GALNTL6: variants seen among roughly 807,000 people sequenced by gnomAD.
GALNTL6 encodes the protein polypeptide N-acetylgalactosaminyltransferase-like 6.
A neutral mutation model predicts 73.7 loss-of-function variants in GALNTL6; 46 were observed. The ratio of observed to expected loss-of-function variants is 0.62; its 90% CI spans 0.49 to 0.80. The LOEUF (loss-of-function observed/expected upper bound fraction) is 0.80. Among genes scored for constraint, GALNTL6 ranks in the 30% least tolerant of loss-of-function variants. The probability of loss-of-function intolerance (pLI) is 0.00; values close to 1 mark genes in which losing one functional copy is unlikely to be tolerated. For synonymous variants in GALNTL6, 259 were observed against 263.7 expected, an observed-to-expected ratio of 0.98 and a Z score of 0.17; for missense variants, 604 against 755.0, an observed-to-expected ratio of 0.80 and a Z score of 2.34.
intron 2 of GALNTL6, among the ~76,000 whole-genome samples, chr4:171,883,369 A>G (rs1254135949): frequency 1.3e-5 from 2 of 152,128 alleles, no homozygotes; most frequent in African/African-American, 4.8e-5. Context: ...AAGTAAAAAT[A>G]AAAGTAAAAT....
intron 2 of GALNTL6, among the ~76,000 whole-genome samples, chr4:172,123,393 C>A (rs1733203326): frequency 6.8e-6 from 1 of 147,750 alleles, no homozygotes; most frequent in African/African-American, 2.6e-5. Context: ...CAAAAACAGA[C>A]TTTACCAAAT....
chr4:172,779,998 C>G (rs1760978110), intron 5 of GALNTL6, among the ~76,000 whole-genome samples: 1 of 152,122 alleles, frequency 6.6e-6, no homozygotes, highest in African/African-American at 2.4e-5. Flanking sequence ...CATTACTTCA[C>G]TACATAATGA....
chr4:172,995,881 C>T lies in GALNTL6; in HGVS notation c.1372-13297C>T, dbSNP rs1243898020. ...GAGTTTTCAAAAACCCTTGGTCAGC[C>T]AAGCTGGCTTTTGGTTATTTCCTCA... On this transcript the variant is annotated intron_variant, in intron 10 of 12. Coordinates refer to ENST00000506823, the MANE Select transcript of GALNTL6 (RefSeq NM_001034845.3). Among the ~76,000 whole-genome samples the T allele has an allele frequency of 5.3e-5, 8 of 152,298 alleles. No individual in the cohort carries two copies. The East Asian group carries it at 1.5e-3, about 29-fold the overall frequency.
chr4:172,768,937 A>AAG (rs1308966084), intron 5 of GALNTL6, among the ~76,000 whole-genome samples: 1 of 152,030 alleles, frequency 6.6e-6, no homozygotes, highest in East Asian at 1.9e-4. Context: ...GAGTTCAGAC[A>AAG]AGAGAGAGAT....
chr4:171,826,086 C>T (rs1232032443), intron 2 of GALNTL6, among the ~76,000 whole-genome samples: 2 of 152,166 alleles, frequency 1.3e-5, no homozygotes, highest in African/African-American at 2.4e-5. Context: ...ACATAAACTA[C>T]CTGAAAAGAA....
chr4:172,418,392 G>T (rs895777104), intron 5 of GALNTL6, among the ~76,000 whole-genome samples: 1 of 152,100 alleles, frequency 6.6e-6, no homozygotes, highest in Non-Finnish European at 1.5e-5. Flanking sequence ...ACCCAGCAGG[G>T]CCTTAAATGT....
At chr4:172,498,009 T>TTTTG (rs1424895953) in intron 5 of GALNTL6, among the ~76,000 whole-genome samples, 1 of 148,558 alleles carries the variant, frequency 6.7e-6, no homozygotes. Flanking sequence ...TTTGTTTTTT[T>TTTTG]GAGATGGAGT....
At chr4:172,106,551 T>C (rs893411939) in intron 2 of GALNTL6, among the ~76,000 whole-genome samples, 7 of 152,158 alleles carry the variant, frequency 4.6e-5, no homozygotes, top group Non-Finnish European at 7.4e-5. Context: ...AAAGGAAATA[T>C]AGAACCCTCT....
intron 2 of GALNTL6, among the ~76,000 whole-genome samples, chr4:171,988,177 C>T (rs1014958357): frequency 6.6e-6 from 1 of 152,152 alleles, no homozygotes; most frequent in South Asian, 2.1e-4. Context: ...AGAAAGGCTA[C>T]AGGGTGCAGT....
intron 8 of GALNTL6, among the ~76,000 whole-genome samples, chr4:172,925,561 G>A (rs1195639219): frequency 6.6e-6 from 1 of 152,206 alleles, no homozygotes; most frequent in Non-Finnish European, 1.5e-5. Flanking sequence ...TTTAACCACT[G>A]CTGGGATGGA....
intron 5 of GALNTL6, among the ~76,000 whole-genome samples, chr4:172,552,175 G>A (rs535557468): frequency 2.0e-4 from 30 of 152,140 alleles, no homozygotes; most frequent in African/African-American, 7.0e-4. Flanking sequence ...CAATAGATAC[G>A]TATCTTTTTC....
At chr4:172,158,415 TA>T (rs1327014069) in intron 2 of GALNTL6, among the ~76,000 whole-genome samples, 26 of 149,322 alleles carry the variant, frequency 1.7e-4, no homozygotes, top group East Asian at 9.8e-4. Context: ...TTATTCTCAT[TA>T]AAAAAAAAAA....
At chr4:172,962,518 A>G (rs1446171048) in intron 10 of GALNTL6, among the ~76,000 whole-genome samples, 1 of 152,156 alleles carries the variant, frequency 6.6e-6, no homozygotes, top group Admixed American at 6.5e-5. Flanking sequence ...GGAGTTCCTA[A>G]ATAAATGTAA....
chr4:173,032,034 G>A (rs896591081), intron 12 of GALNTL6, among the ~76,000 whole-genome samples: 2 of 152,200 alleles, frequency 1.3e-5, no homozygotes, highest in Non-Finnish European at 2.9e-5. Context: ...ACTTGTGCAA[G>A]GCCCTGAGAT....
rs548406146 is a variant in GALNTL6 at position 172,674,158 on chromosome 4, C to T, written c.554-135203C>T. Among the ~76,000 whole-genome samples the T allele has an allele frequency of 8.5e-5, 13 of 152,170 alleles. No homozygotes were observed. In the South Asian group the frequency reaches 1.0e-3, roughly 12 times the overall value. ...TCAGTAGCTCCTGTAAGGTAGGTCC[C>T]GTGGTGACAATTTCCCTCATCATTT... is the stretch of plus-strand genomic sequence containing the variant. On this transcript the variant is annotated intron_variant, in intron 5 of 12. Coordinates refer to ENST00000506823, the MANE Select transcript of GALNTL6 (RefSeq NM_001034845.3).
intron 2 of GALNTL6, among the ~76,000 whole-genome samples, chr4:172,086,302 G>A (rs1732031130): frequency 6.6e-6 from 1 of 151,862 alleles, no homozygotes; most frequent in South Asian, 2.1e-4. Flanking sequence ...AGCATGTTAA[G>A]GGAAACATCG....
At chr4:172,571,412 C>G (rs1312902542) in intron 5 of GALNTL6, among the ~76,000 whole-genome samples, 1 of 152,124 alleles carries the variant, frequency 6.6e-6, no homozygotes, top group Non-Finnish European at 1.5e-5. Flanking sequence ...AAATATAGAA[C>G]AGCTATCTCT....
intron 5 of GALNTL6, among the ~76,000 whole-genome samples, chr4:172,370,630 CAAAAAAA>C (rs71592072): frequency 6.7e-5 from 4 of 59,854 alleles, no homozygotes; most frequent in Admixed American, 6.3e-4. Context: ...GACTCCATCT[CAAAAAAA>C]AAAAAAAAAA....
At chr4:172,689,342 A>G (rs181348163) in intron 5 of GALNTL6, among the ~76,000 whole-genome samples, 1 of 152,344 alleles carries the variant, frequency 6.6e-6, no homozygotes, top group Admixed American at 6.5e-5. Flanking sequence ...AAACTTGGAC[A>G]AGCCATTTAA....
Sources: gnomAD v4.1 joint callset for allele counts (sites outside exome capture counted in the v4.1 genomes callset) on GRCh38, gnomAD v4.1.1 for gene constraint, MANE v1.5 for transcripts, NCBI Gene and HGNC (gene_info 2026-07-23, HGNC 2026-07-21) for gene names.